RAPGEF4: variants seen among roughly 807,000 people sequenced by gnomAD.
RAPGEF4 encodes the protein Rap guanine nucleotide exchange factor 4, also known as RAP guanine-nucleotide-exchange factor (GEF) 4.
RAPGEF4 carries 66 observed loss-of-function variants against 147.9 expected under a neutral mutation model. The observed-to-expected ratio is 0.45, with a 90% confidence interval of 0.37 to 0.55. The LOEUF is 0.55. RAPGEF4 is among the 20% of genes least tolerant of loss of function. The probability of loss-of-function intolerance (pLI) is 0.00; values close to 1 mark genes in which losing one functional copy is unlikely to be tolerated. For missense variants in RAPGEF4, 1,071 were observed against 1,257.3 expected (o/e 0.85, Z 2.24); for synonymous variants, 419 against 442.7 (o/e 0.95, Z 0.67).
intron 6 of RAPGEF4, among the ~76,000 whole-genome samples, chr2:172,959,552 C>T (rs1441417557): frequency 1.3e-5 from 2 of 152,020 alleles, no homozygotes; most frequent in Non-Finnish European, 2.9e-5. Flanking sequence ...TTCTGCCTAC[C>T]ACAATCTCAT....
Position 172,988,718 on chromosome 2 carries a change from G to A in RAPGEF4, c.1253G>A (p.Gly418Glu). 1 of 1,612,944 alleles carries A rather than the reference G, an allele frequency of 6.2e-7. No individual in the cohort carries two copies. Among genetic ancestry groups the A allele is most frequent in the South Asian group, 1.1e-5 (1 of 91,062 alleles). Reference protein sequence around the residue: ...GKGVVCTLHEGDDFGKLALVN... With the variant: ...GKGVVCTLHEEDDFGKLALVN... ...GGTGTGGTCTGCACCCTGCATGAAG[G>A]AGATGACTTCGGCAAGTTAGCACTA... The change falls in exon 14 of 31, where the codon GGA (glycine) becomes GAA (glutamate). Residue 418 changes from glycine (G) to glutamate (E), a missense_variant. By Grantham distance (98) the Gly-to-Glu change is moderately conservative. Transcript: ENST00000397081.
At chr2:172,957,142 G>A (rs1439167119) in intron 6 of RAPGEF4, among the ~76,000 whole-genome samples, 1 of 152,178 alleles carries the variant, frequency 6.6e-6, no homozygotes, top group East Asian at 1.9e-4. Flanking sequence ...AACAATGGGA[G>A]TCAGAATATA....
chr2:172,837,640 T>C (rs1691110283), intron 4 of RAPGEF4, among the ~76,000 whole-genome samples: 1 of 152,218 alleles, frequency 6.6e-6, no homozygotes, highest in South Asian at 2.1e-4. Flanking sequence ...AGTGGGGTAA[T>C]TGTAGCTCAC....
At chr2:172,805,244 G>C (rs911850610) in intron 3 of RAPGEF4, among the ~76,000 whole-genome samples, 5 of 152,316 alleles carry the variant, frequency 3.3e-5, no homozygotes, top group African/African-American at 1.2e-4. Context: ...GGTGGACTCT[G>C]TCTGCCTCTC....
chr2:172,762,861 G>T (rs867390592), intron 1 of RAPGEF4, among the ~76,000 whole-genome samples: 4 of 152,298 alleles, frequency 2.6e-5, no homozygotes, highest in Middle Eastern at 3.4e-3. Context: ...ACTGATTGTG[G>T]ACTTGCAAGG....
At chr2:173,040,304 A>C (rs906330712) in intron 29 of RAPGEF4, among the ~76,000 whole-genome samples, 2 of 152,204 alleles carry the variant, frequency 1.3e-5, no homozygotes, top group African/African-American at 2.4e-5. Context: ...CCAGGTTTCC[A>C]AAATTTTCTC....
intron 10 of RAPGEF4, among the ~76,000 whole-genome samples, chr2:172,973,350 C>T (rs963079256): frequency 7.2e-5 from 11 of 151,924 alleles, no homozygotes; most frequent in African/African-American, 2.2e-4. Context: ...CAGACTCAAG[C>T]GATCCTCCCA....
intron 1 of RAPGEF4, among the ~76,000 whole-genome samples, chr2:172,764,350 A>C (rs1477504600): frequency 1.3e-5 from 2 of 152,142 alleles, no homozygotes; most frequent in Non-Finnish European, 2.9e-5. Flanking sequence ...TGATTCTTAC[A>C]CAAAGTAGGT....
At chr2:172,943,476 A>G (rs999977572) in intron 6 of RAPGEF4, among the ~76,000 whole-genome samples, 1 of 152,306 alleles carries the variant, frequency 6.6e-6, no homozygotes, top group Non-Finnish European at 1.5e-5. Context: ...TGTTGTTAGT[A>G]TTCAATAAGA....
intron 1 of RAPGEF4, among the ~76,000 whole-genome samples, chr2:172,772,178 G>A (rs1683688036): frequency 1.3e-5 from 2 of 152,128 alleles, no homozygotes; most frequent in African/African-American, 4.8e-5. Context: ...GATGGACACT[G>A]CAGTGAGCCA....
intron 1 of RAPGEF4, among the ~76,000 whole-genome samples, chr2:172,775,865 G>A (rs1317571633): frequency 1.3e-5 from 2 of 152,094 alleles, no homozygotes; most frequent in East Asian, 1.9e-4. Flanking sequence ...TATATCCTAA[G>A]GTGCCTTAAA....
At chr2:172,739,458 C>T (rs1009229010) in intron 1 of RAPGEF4, among the ~76,000 whole-genome samples, 4 of 151,806 alleles carry the variant, frequency 2.6e-5, no homozygotes, top group South Asian at 2.1e-4. Flanking sequence ...TGCAACCTCC[C>T]CCTCCTGGTT....
chr2:172,886,645 CT>C (rs1697255587), intron 4 of RAPGEF4, among the ~76,000 whole-genome samples: 1 of 151,018 alleles, frequency 6.6e-6, no homozygotes, highest in African/African-American at 2.4e-5. Context: ...GTACCCCCTT[CT>C]TTTAGCTCTT....
chr2:173,041,772 CCTT>C (rs1684790247), intron 29 of RAPGEF4, among the ~76,000 whole-genome samples: 1 of 152,132 alleles, frequency 6.6e-6, no homozygotes, highest in Non-Finnish European at 1.5e-5. Flanking sequence ...GACTGACCTG[CCTT>C]CTTCTCCTTT....
intron 4 of RAPGEF4, among the ~76,000 whole-genome samples, chr2:172,872,331 C>A (rs1198359314): frequency 6.6e-6 from 1 of 152,138 alleles, no homozygotes; most frequent in Non-Finnish European, 1.5e-5. Context: ...ATCTTTGCAG[C>A]ATTGTTATGC....
chr2:172,927,090 G>A (rs2150073876), intron 6 of RAPGEF4, among the ~76,000 whole-genome samples: 1 of 152,278 alleles, frequency 6.6e-6, no homozygotes, highest in South Asian at 2.1e-4. Flanking sequence ...ATTACTTAAA[G>A]CAGGAGTTTC....
chr2:172,833,852 C>T (rs1417561249), intron 4 of RAPGEF4, among the ~76,000 whole-genome samples: 2 of 152,174 alleles, frequency 1.3e-5, no homozygotes, highest in Non-Finnish European at 2.9e-5. Flanking sequence ...CCCAGTTACA[C>T]ATCCCTAAGG....
chr2:172,831,429 C>A (rs922989691), intron 4 of RAPGEF4, among the ~76,000 whole-genome samples: 3 of 151,408 alleles, frequency 2.0e-5, no homozygotes, highest in South Asian at 2.1e-4. Context: ...CCACCATGCC[C>A]GGCTAATTTT....
chr2:172,740,007 A>G (rs1199474187), intron 1 of RAPGEF4, among the ~76,000 whole-genome samples: 2 of 152,226 alleles, frequency 1.3e-5, no homozygotes, highest in Admixed American at 6.5e-5. Flanking sequence ...TTCAAATTTC[A>G]GTGTCTATAA....
Sources: allele counts gnomAD v4.1 joint callset (sites outside exome capture counted in the v4.1 genomes callset), GRCh38; gene constraint gnomAD v4.1.1; transcripts MANE v1.5; gene names NCBI Gene and HGNC (gene_info 2026-07-23, HGNC 2026-07-21).